FNDC3B: variants seen among roughly 807,000 people sequenced by gnomAD.
FNDC3B encodes fibronectin type III domain-containing protein 3B.
FNDC3B carries 12 observed loss-of-function variants against 151.5 expected under a neutral mutation model. That is an observed-to-expected ratio of 0.08 (90% confidence interval 0.05 to 0.13). The LOEUF is 0.13. Ranked by LOEUF, FNDC3B falls within the 10% of genes least tolerant of loss-of-function variation. The pLI is 1.00. For synonymous variants in FNDC3B, 528 were observed against 549.0 expected, an observed-to-expected ratio of 0.96 and a Z score of 0.54; for missense variants, 1,214 against 1,505.3, an observed-to-expected ratio of 0.81 and a Z score of 3.20.
chr3:172,206,684 A>AAGAAAG (rs1488842054), intron 3 of FNDC3B, among the ~76,000 whole-genome samples: 29 of 139,536 alleles, frequency 2.1e-4, no homozygotes, highest in African/African-American at 8.0e-4. Flanking sequence ...AAAAAAAAAA[A>AAGAAAG]AAAGTATATT....
chr3:172,091,407 A>G (rs1051855624), intron 1 of FNDC3B, among the ~76,000 whole-genome samples: 2 of 152,248 alleles, frequency 1.3e-5, no homozygotes, highest in African/African-American at 4.8e-5. Context: ...GAGGCAGTAC[A>G]TATGGAAGAA....
intron 1 of FNDC3B, among the ~76,000 whole-genome samples, chr3:172,084,569 A>G (rs1324114449): frequency 6.6e-6 from 1 of 152,054 alleles, no homozygotes; most frequent in Non-Finnish European, 1.5e-5. Flanking sequence ...TAGTGTTATT[A>G]TTTTCACTTT....
intron 11 of FNDC3B, among the ~76,000 whole-genome samples, chr3:172,311,391 A>G (rs1007871109): frequency 6.6e-6 from 1 of 152,112 alleles, no homozygotes; most frequent in Non-Finnish European, 1.5e-5. Flanking sequence ...AATGTCCTGT[A>G]TCGGATGCCC....
intron 1 of FNDC3B, among the ~76,000 whole-genome samples, chr3:172,048,876 A>G (rs568708996): frequency 7.0e-4 from 106 of 152,356 alleles, no homozygotes; most frequent in African/African-American, 2.5e-3. Flanking sequence ...TAAATATTGT[A>G]TATATCCACT....
chr3:172,118,489 C>T (rs1167919734), intron 2 of FNDC3B, among the ~76,000 whole-genome samples: 1 of 152,184 alleles, frequency 6.6e-6, no homozygotes, highest in African/African-American at 2.4e-5. Context: ...GAATAAACAA[C>T]TCTTGAGACG....
At chr3:172,130,834 T>TCTTG (rs1419315449) in intron 2 of FNDC3B, among the ~76,000 whole-genome samples, 7 of 151,980 alleles carry the variant, frequency 4.6e-5, no homozygotes, top group Non-Finnish European at 2.9e-5. Context: ...GGACATAGAG[T>TCTTG]CTTGGCATCC....
At chr3:172,213,115 G>C (rs1406669104) in intron 3 of FNDC3B, among the ~76,000 whole-genome samples, 1 of 152,074 alleles carries the variant, frequency 6.6e-6, no homozygotes, top group Non-Finnish European at 1.5e-5. Flanking sequence ...TCAAAGAGAG[G>C]ATCAGCTTTC....
At chr3:172,108,815 G>A (rs754547509) in intron 1 of FNDC3B, among the ~76,000 whole-genome samples, 21 of 152,164 alleles carry the variant, frequency 1.4e-4, no homozygotes, top group Non-Finnish European at 2.5e-4. Context: ...ATGTTTTCAT[G>A]CTTTTATGCT....
At chr3:172,076,016 C>T (rs181551975) in intron 1 of FNDC3B, among the ~76,000 whole-genome samples, 2 of 152,188 alleles carry the variant, frequency 1.3e-5, no homozygotes, top group Non-Finnish European at 2.9e-5. Context: ...GCTTGTTTGC[C>T]TTTAGTCCTC....
chr3:172,331,272 C>T (rs1240845018), intron 13 of FNDC3B, among the ~76,000 whole-genome samples: 1 of 152,164 alleles, frequency 6.6e-6, no homozygotes, highest in Non-Finnish European at 1.5e-5. Flanking sequence ...TTACAATGCC[C>T]ACAAGGTCCT....
At chr3:172,198,761 AC>A (rs1266997161) in intron 3 of FNDC3B, among the ~76,000 whole-genome samples, 1 of 152,010 alleles carries the variant, frequency 6.6e-6, no homozygotes, top group Non-Finnish European at 1.5e-5. Context: ...TATCAAGCTG[AC>A]CCCCTAAGCC....
chr3:172,155,055 GA>G (rs1722417458), intron 3 of FNDC3B, among the ~76,000 whole-genome samples: 2 of 152,092 alleles, frequency 1.3e-5, no homozygotes, highest in South Asian at 4.2e-4. Flanking sequence ...GGGAAGCTTT[GA>G]AAGGAAGAGC....
chr3:172,323,245 C>T (rs1418646315), intron 11 of FNDC3B, among the ~76,000 whole-genome samples: 1 of 152,070 alleles, frequency 6.6e-6, no homozygotes, highest in East Asian at 1.9e-4. Context: ...CAGAGCTGGA[C>T]ATGGTAGCTC....
chr3:172,078,552 G>C (rs1718135384), intron 1 of FNDC3B, among the ~76,000 whole-genome samples: 1 of 152,094 alleles, frequency 6.6e-6, no homozygotes. Context: ...CTTACCTTTT[G>C]TTTGAAAATA....
chr3:172,290,205 T>G (rs548849161), intron 7 of FNDC3B, among the ~76,000 whole-genome samples: 1 of 152,320 alleles, frequency 6.6e-6, no homozygotes, highest in East Asian at 1.9e-4. Context: ...TTTATTTAGG[T>G]GCAGAACTTG....
At chr3:172,364,654 A>T (rs1262348480) in intron 23 of FNDC3B, among the ~76,000 whole-genome samples, 2 of 152,232 alleles carry the variant, frequency 1.3e-5, no homozygotes, top group Non-Finnish European at 2.9e-5. Flanking sequence ...TGGGCAAAGA[A>T]CAAAAGCTCC....
At chr3:172,380,458 T>C (rs1735380663) in intron 24 of FNDC3B, among the ~76,000 whole-genome samples, 1 of 152,192 alleles carries the variant, frequency 6.6e-6, no homozygotes, top group South Asian at 2.1e-4. Context: ...CCTCAAACTT[T>C]CCTTAGACCC....
intron 2 of FNDC3B, among the ~76,000 whole-genome samples, chr3:172,112,966 C>T (rs1720050006): frequency 6.6e-6 from 1 of 152,134 alleles, no homozygotes; most frequent in Non-Finnish European, 1.5e-5. Flanking sequence ...GGAGTGATCT[C>T]GACAAGACAC....
At chr3:172,116,937 A>G (rs1265313252) in intron 2 of FNDC3B, among the ~76,000 whole-genome samples, 1 of 152,152 alleles carries the variant, frequency 6.6e-6, no homozygotes, top group Non-Finnish European at 1.5e-5. Flanking sequence ...TTATTGCCAA[A>G]TATTTTACTG....
Sources: allele counts gnomAD v4.1 joint callset (sites outside exome capture counted in the v4.1 genomes callset), GRCh38; gene constraint gnomAD v4.1.1; transcripts MANE v1.5; gene names NCBI Gene and HGNC (gene_info 2026-07-23, HGNC 2026-07-21).